TGFBRAP1: variants seen among roughly 807,000 people sequenced by gnomAD.
TGFBRAP1 encodes the protein transforming growth factor-beta receptor-associated protein 1.
Under a neutral mutation model 83.2 loss-of-function variants are expected in TGFBRAP1, and 20 were observed. That is an observed-to-expected ratio of 0.24 (90% CI 0.17 to 0.35). TGFBRAP1 has a LOEUF of 0.35. Among genes scored for constraint, TGFBRAP1 ranks in the 10% least tolerant of loss-of-function variants. TGFBRAP1 has a pLI of 1.00. For missense variants in TGFBRAP1, 950 were observed against 1,099.4 expected (o/e 0.86, Z 1.92); for synonymous variants, 415 against 459.8 (o/e 0.90, Z 1.25).
chr2:105,304,055 T>A (rs1678401575), intron 2 of TGFBRAP1, among the ~76,000 whole-genome samples: 1 of 152,176 alleles, frequency 6.6e-6, no homozygotes, highest in African/African-American at 2.4e-5. Context: ...TACTTAAACA[T>A]AAGTGTATAT....
At chr2:105,320,485 T>C (rs938120289) in intron 1 of TGFBRAP1, among the ~76,000 whole-genome samples, 1 of 151,990 alleles carries the variant, frequency 6.6e-6, no homozygotes, top group African/African-American at 2.4e-5. Context: ...AGGTCAGATC[T>C]GAAGGCAATG....
intron 1 of TGFBRAP1, among the ~76,000 whole-genome samples, chr2:105,322,355 G>A (rs532200735): frequency 1.3e-5 from 2 of 152,232 alleles, no homozygotes; most frequent in African/African-American, 2.4e-5. Context: ...AGTATTTTTA[G>A]AATAAATTTA....
At chr2:105,308,568 G>A (rs1422742903) in intron 1 of TGFBRAP1, among the ~76,000 whole-genome samples, 3 of 151,922 alleles carry the variant, frequency 2.0e-5, no homozygotes, top group South Asian at 2.1e-4. Context: ...TTGTGATCAC[G>A]TGCCATCCTG....
At chr2:105,259,442 C>T (rs575888997), downstream of TGFBRAP1, among the ~76,000 whole-genome samples, 1 of 152,306 alleles carries the variant, frequency 6.6e-6, no homozygotes, top group Non-Finnish European at 1.5e-5. Context: ...CAGCTCTCTG[C>T]ACTTCCAGAT....
rs758317376 is a variant in TGFBRAP1 at position 105,308,231 on chromosome 2, C to T, written c.71G>A (p.Arg24His). 20 of 1,614,082 alleles carry T rather than the reference C, an allele frequency of 1.2e-5. No individual in the cohort carries two copies. In the Admixed American group the frequency reaches 1.5e-4, roughly 12 times the overall value. The change falls in exon 2 of 12, where the codon CGC becomes CAC. Residue 24 changes from arginine to histidine, a missense_variant. Physicochemically the swap from Arg to His is conservative, Grantham distance 29 (BLOSUM62 0). Coordinates refer to ENST00000393359, the MANE Select transcript of TGFBRAP1 (RefSeq NM_004257.6). Reference protein sequence around the residue: ...ERELLMGDKERVNIECVECCG... With the variant: ...ERELLMGDKEHVNIECVECCG... The stretch of plus-strand genomic sequence containing the variant: ...GCACTCCACGCACTCTATGTTGACG[C>T]GCTCCTTGTCGCCCATCAGCAGCTC...
rs1266607088 is a variant in TGFBRAP1, at chr2:105,267,210, A to G, written c.*173T>C. 1 of 403,798 alleles carries G rather than the reference A, an allele frequency of 2.5e-6. No individual in the cohort carries two copies. The highest frequency in any genetic ancestry group is 4.1e-6 in the Non-Finnish European group (1 of 243,236). The allele number at this position is 403,798 out of a possible 1,614,324, so 25.0% of individuals were successfully genotyped here. A position where few individuals can be genotyped will look rare whatever the true frequency, so the allele number is the denominator to read the frequency against. On this transcript the variant is annotated 3_prime_UTR_variant, in exon 12 of 12. Coordinates refer to ENST00000393359, the MANE Select transcript of TGFBRAP1 (RefSeq NM_004257.6). ...GAGCCTGGTCATTCCATGTACATTCATAGAGCCTGGTCAGCAGCGAGGAGT... is the reference window on the plus strand; with the variant it reads ...GAGCCTGGTCATTCCATGTACATTCGTAGAGCCTGGTCAGCAGCGAGGAGT...
At chr2:105,297,220 T>C (rs929501797) in intron 3 of TGFBRAP1, among the ~76,000 whole-genome samples, 1 of 152,200 alleles carries the variant, frequency 6.6e-6, no homozygotes, top group Non-Finnish European at 1.5e-5. Context: ...CACCTGTTCA[T>C]AGGAAACAAT....
intron 10 of TGFBRAP1, 35 bp downstream of exon 10, chr2:105,272,820 T>C: frequency 6.2e-7 from 1 of 1,603,038 alleles, no homozygotes; most frequent in Non-Finnish European, 8.5e-7. Context: ...ATATGAGTTT[T>C]TTCCAAAGGG....
intron 4 of TGFBRAP1, among the ~76,000 whole-genome samples, chr2:105,293,180 T>C (rs1194719583): frequency 1.3e-5 from 2 of 151,624 alleles, no homozygotes; most frequent in Non-Finnish European, 2.9e-5. Context: ...TTAGATGAAA[T>C]GGAAAAAAAA....
the TGFBRAP1 span, among the ~76,000 whole-genome samples, chr2:105,253,457 G>A: frequency 6.6e-6 from 1 of 151,834 alleles, no homozygotes; most frequent in Admixed American, 6.6e-5. Flanking sequence ...TAAAGAACAG[G>A]GTCTCACTCT....
rs755199036 is a variant in TGFBRAP1 at position 105,308,225 on chromosome 2, T to C, written c.77A>G (p.Asn26Ser). Residue 26 changes from asparagine to serine, a missense_variant, in exon 2 of 12, where the codon AAC (asparagine) becomes AGC (serine). By Grantham distance (46) the Asn-to-Ser change is conservative. Transcript: ENST00000393359. ...ELLMGDKERV[N>S]IECVECCGRD... ...GCCGCAGCACTCCACGCACTCTATGTTGACGCGCTCCTTGTCGCCCATCAG... is the reference window on the plus strand; with the variant it reads ...GCCGCAGCACTCCACGCACTCTATGCTGACGCGCTCCTTGTCGCCCATCAG... 2 of 1,614,190 alleles carry C rather than the reference T, an allele frequency of 1.2e-6. No homozygotes were observed. The highest frequency in any genetic ancestry group is 1.1e-5 in the South Asian group (1 of 91,080).
chr2:105,318,832 C>T (rs1223829912), intron 1 of TGFBRAP1, among the ~76,000 whole-genome samples: 4 of 152,138 alleles, frequency 2.6e-5, no homozygotes, highest in Admixed American at 6.5e-5. Context: ...GCGTGTATAC[C>T]GTCTGGGGCA....
At chr2:105,253,002 C>T in the TGFBRAP1 span, among the ~76,000 whole-genome samples, 2 of 152,158 alleles carry the variant, frequency 1.3e-5, no homozygotes, top group Admixed American at 1.3e-4. Flanking sequence ...GATCTGCCCG[C>T]CTCAGCCTCC....
chr2:105,284,402 C>CAA lies in TGFBRAP1; in HGVS notation c.1039-6_1039-5dup, dbSNP rs776015035. Reference sequence around the variant, plus strand: ...GCAGAATCCTTCTGTACATTACCTGCAAGGAAAGACGGGTGTAATCTCTTA... The same window carrying CAA: ...GCAGAATCCTTCTGTACATTACCTGCAAAAGGAAAGACGGGTGTAATCTCTTA... On this transcript the variant is annotated splice_region_variant and splice_polypyrimidine_tract_variant and intron_variant, in intron 4 of 11. Coordinates refer to ENST00000393359, the MANE Select transcript of TGFBRAP1 (RefSeq NM_004257.6). The CAA allele has an allele frequency of 7.4e-6, 12 of 1,613,752 alleles. No homozygotes were observed. In the East Asian group the frequency reaches 2.7e-4, roughly 36 times the overall value.
At chr2:105,253,938 T>C in the TGFBRAP1 span, among the ~76,000 whole-genome samples, 1 of 152,204 alleles carries the variant, frequency 6.6e-6, no homozygotes, top group Non-Finnish European at 1.5e-5. Flanking sequence ...CCGGTTTTTA[T>C]CTTTGTTTTG....
the TGFBRAP1 span, among the ~76,000 whole-genome samples, chr2:105,254,052 T>G: frequency 1.3e-5 from 2 of 152,148 alleles, no homozygotes; most frequent in South Asian, 2.1e-4. Flanking sequence ...ATTTTGGATA[T>G]TCAAGGTTTT....
chr2:105,299,908 C>T (rs1250371582), intron 2 of TGFBRAP1, among the ~76,000 whole-genome samples: 1 of 152,198 alleles, frequency 6.6e-6, no homozygotes, highest in Non-Finnish European at 1.5e-5. Flanking sequence ...CTGTGATCAA[C>T]ACCCACAAAC....
At chr2:105,292,724 C>G (rs542146413) in intron 4 of TGFBRAP1, among the ~76,000 whole-genome samples, 39 of 151,798 alleles carry the variant, frequency 2.6e-4, no homozygotes, top group Non-Finnish European at 5.2e-4. Flanking sequence ...AGGGGGGAGG[C>G]AGTGAACAGA....
At position 105,273,622 on chromosome 2, in the gene TGFBRAP1, G is replaced by A; in HGVS notation, c.1734C>T (p.Asp578=). ...GGTATTTTTTAAGGCAATTGATAAT[G>A]TCGTCTGGATTAAAACTGTTCTTCT... ...EQQKNSFNPD[D]IINCLKKYPK... Residue 578 remains aspartate (D), a synonymous_variant, in exon 9 of 12, where the codon GAC becomes GAT. Coordinates refer to ENST00000393359, the MANE Select transcript of TGFBRAP1 (RefSeq NM_004257.6). 6.2e-7 allele frequency: 1 copy of A among 1,614,178 alleles called. No individual in the cohort carries two copies. The highest frequency in any genetic ancestry group is 1.3e-5 in the African/African-American group (1 of 75,042).
Sources: gnomAD v4.1 joint callset for allele counts (sites outside exome capture counted in the v4.1 genomes callset) on GRCh38, gnomAD v4.1.1 for gene constraint, MANE v1.5 for transcripts, NCBI Gene and HGNC (gene_info 2026-07-23, HGNC 2026-07-21) for gene names.